IFT56: variants seen among roughly 807,000 people sequenced by gnomAD.
IFT56 encodes intraflagellar transport protein 56.
the IFT56 span, among the ~76,000 whole-genome samples, chr7:139,164,675 G>T: frequency 6.6e-6 from 1 of 151,856 alleles, no homozygotes; most frequent in African/African-American, 2.4e-5. Flanking sequence ...TATACTAGTC[G>T]CAGTTCTCGG....
chr7:139,169,430 G>A, the IFT56 span: 1 of 1,288,430 alleles, frequency 7.8e-7, no homozygotes, highest in Non-Finnish European at 1.1e-6. Flanking sequence ...TTGATTCTCT[G>A]TCTAGGGATG....
the IFT56 span, among the ~76,000 whole-genome samples, chr7:139,185,257 C>G: frequency 7.8e-4 from 119 of 151,990 alleles, 1 homozygote; most frequent in African/African-American, 2.8e-3. Flanking sequence ...TTACGTGAAT[C>G]TACACATAGG....
chr7:139,158,319 A>AAAAAAAAAAAAC, the IFT56 span, among the ~76,000 whole-genome samples: 3 of 151,644 alleles, frequency 2.0e-5, no homozygotes, highest in African/African-American at 7.3e-5. Flanking sequence ...ATCTCAAAAA[A>AAAAAAAAAAAAC]AAAAAACCAA....
At chr7:139,178,828 G>C in the IFT56 span, among the ~76,000 whole-genome samples, 1 of 151,976 alleles carries the variant, frequency 6.6e-6, no homozygotes, top group Non-Finnish European at 1.5e-5. Context: ...TTAAGCTGCA[G>C]TGCACTATGA....
the IFT56 span, among the ~76,000 whole-genome samples, chr7:139,168,117 T>C: frequency 1.3e-5 from 2 of 152,094 alleles, no homozygotes; most frequent in Non-Finnish European, 2.9e-5. Flanking sequence ...TTGCTTAAGA[T>C]TGAGAATTTA....
the IFT56 span, among the ~76,000 whole-genome samples, chr7:139,162,851 C>G: frequency 6.6e-6 from 1 of 151,516 alleles, no homozygotes; most frequent in African/African-American, 2.4e-5. Context: ...CCCAGCTACT[C>G]GGGAGGCCAG....
the IFT56 span, chr7:139,168,569 C>CAAAAAAAAAAAA: frequency 2.9e-6 from 1 of 346,840 alleles, no homozygotes; most frequent in Non-Finnish European, 5.7e-6. Context: ...TATTTAGAGA[C>CAAAAAAAAAAAA]AAAAAAAAAA....
chr7:139,151,547 A>G, the IFT56 span, among the ~76,000 whole-genome samples: 1 of 152,298 alleles, frequency 6.6e-6, no homozygotes, highest in South Asian at 2.1e-4. Flanking sequence ...TAGGTGAAAT[A>G]CTTAACCTCC....
the IFT56 span, among the ~76,000 whole-genome samples, chr7:139,188,436 T>A: frequency 7.8e-4 from 119 of 152,288 alleles, no homozygotes; most frequent in Middle Eastern, 0.024. Context: ...AAAACACAAC[T>A]CGATTCCATT....
chr7:139,150,199 C>T, the IFT56 span, among the ~76,000 whole-genome samples: 1 of 152,132 alleles, frequency 6.6e-6, no homozygotes, highest in South Asian at 2.1e-4. Flanking sequence ...ACTAAGGAGT[C>T]CCCCAAGTCT....
chr7:139,137,928 A>T, the IFT56 span: 1 of 1,611,988 alleles, frequency 6.2e-7, no homozygotes, highest in Non-Finnish European at 8.5e-7. Context: ...TGACTACAAG[A>T]GAGCTCTGGA....
the IFT56 span, among the ~76,000 whole-genome samples, chr7:139,159,313 T>C: frequency 1.2e-4 from 19 of 152,356 alleles, no homozygotes; most frequent in Admixed American, 1.0e-3. Context: ...GTGTTATTTT[T>C]GGTAAGTTGT....
chr7:139,159,892 G>T, the IFT56 span, among the ~76,000 whole-genome samples: 3 of 151,856 alleles, frequency 2.0e-5, no homozygotes, highest in Non-Finnish European at 4.4e-5. Context: ...ATATTTTAAG[G>T]CATATTATTA....
At chr7:139,155,459 T>G in the IFT56 span, among the ~76,000 whole-genome samples, 2 of 152,160 alleles carry the variant, frequency 1.3e-5, no homozygotes, top group African/African-American at 4.8e-5. Flanking sequence ...GTAAATGTTC[T>G]TTCCAGGTGG....
chr7:139,160,891 G>A, the IFT56 span: 95 of 1,262,836 alleles, frequency 7.5e-5, no homozygotes, highest in Admixed American at 6.6e-4. Context: ...GTGTCAATAT[G>A]TGGTATAAGA....
At chr7:139,181,096 T>C in the IFT56 span, 1 of 1,597,300 alleles carries the variant, frequency 6.3e-7, no homozygotes, top group Non-Finnish European at 8.5e-7. Context: ...TTGCAGATAT[T>C]ATGAATAAGA....
At chr7:139,175,772 G>A in the IFT56 span, among the ~76,000 whole-genome samples, 2 of 151,544 alleles carry the variant, frequency 1.3e-5, no homozygotes, top group Admixed American at 1.3e-4. Flanking sequence ...GGGCAGTGAG[G>A]ATGGCTCCAA....
chr7:139,187,396 T>C, the IFT56 span: 2 of 1,614,000 alleles, frequency 1.2e-6, no homozygotes, highest in Non-Finnish European at 1.7e-6. Flanking sequence ...ACATACGTTC[T>C]CTTATTCAGA....
At chr7:139,167,940 C>CAA in the IFT56 span, among the ~76,000 whole-genome samples, 2 of 108,860 alleles carry the variant, frequency 1.8e-5, no homozygotes, top group Admixed American at 8.9e-5. Flanking sequence ...GACTCGGTCT[C>CAA]AAAAAAAAAA....
Sources: gnomAD v4.1 joint callset for allele counts (sites outside exome capture counted in the v4.1 genomes callset) on GRCh38, gnomAD v4.1.1 for gene constraint, MANE v1.5 for transcripts, NCBI Gene and HGNC (gene_info 2026-07-23, HGNC 2026-07-21) for gene names.